Variants in GTF2A1 observed in about 807,000 individuals in gnomAD.
GTF2A1 encodes general transcription factor IIA subunit 1.
Under a neutral mutation model 54.1 loss-of-function variants are expected in GTF2A1, and 12 were observed. That is an observed-to-expected ratio of 0.22 (90% CI 0.14 to 0.36). The LOEUF is 0.36. Ranked by LOEUF, GTF2A1 falls within the 10% of genes least tolerant of loss-of-function variation. GTF2A1 has a pLI of 1.00. For synonymous variants in GTF2A1, 145 were observed against 152.0 expected, an observed-to-expected ratio of 0.95 and a Z score of 0.34; for missense variants, 335 against 442.2, an observed-to-expected ratio of 0.76 and a Z score of 2.17.
rs547722986 is a variant in GTF2A1, at chr14:81,214,464, T to C, written c.132+1949A>G. ...ATCGAGACCATCCTGGCTAACACGG[T>C]GAAACCCCATCTCTACTAAAAATAC... is the stretch of plus-strand genomic sequence containing the variant. On this transcript the variant is annotated intron_variant, in intron 2 of 8. Transcript: ENST00000553612. 2.0e-3 allele frequency among the ~76,000 whole-genome samples: 301 copies of C among 151,992 alleles called. 2 individuals carry two copies. Among genetic ancestry groups the C allele is most frequent in the African/African-American group, 6.9e-3 (284 of 41,442 alleles).
upstream of GTF2A1, chr14:81,221,246 C>G (rs1201461677): frequency 6.6e-6 from 1 of 152,256 alleles, no homozygotes; most frequent in Non-Finnish European, 1.5e-5. Context: ...CTGGAAAAGA[C>G]GGGAGTTCTA....
At chr14:81,196,705 C>T (rs985787167) in intron 5 of GTF2A1, among the ~76,000 whole-genome samples, 1 of 152,196 alleles carries the variant, frequency 6.6e-6, no homozygotes, top group Non-Finnish European at 1.5e-5. Flanking sequence ...TAAAAGTTCA[C>T]AGAACCAGTT....
chr14:81,185,445 C>T, intron 8 of GTF2A1, 86 bp downstream of exon 8: 2 of 748,526 alleles, frequency 2.7e-6, no homozygotes, highest in Non-Finnish European at 4.7e-6. Context: ...ATCAGCTGCC[C>T]AAATGTTTCA....
chr14:81,195,201 G>C (rs1892966706), intron 6 of GTF2A1, among the ~76,000 whole-genome samples: 1 of 151,096 alleles, frequency 6.6e-6, no homozygotes, highest in Non-Finnish European at 1.5e-5. Context: ...ATGAGAGGCA[G>C]AGAAACCATT....
At chr14:81,195,644 A>AG (rs981582908) in intron 6 of GTF2A1, among the ~76,000 whole-genome samples, 20 of 151,380 alleles carry the variant, frequency 1.3e-4, no homozygotes, top group Middle Eastern at 3.4e-3. Context: ...AAAAAAAAAA[A>AG]AAAAGAAAAG....
At chr14:81,200,885 CAAAAA>C (rs36025974) in intron 4 of GTF2A1, among the ~76,000 whole-genome samples, 1 of 111,100 alleles carries the variant, frequency 9.0e-6, no homozygotes, top group South Asian at 2.8e-4. Flanking sequence ...ATGTTTTATC[CAAAAA>C]AAAAAAAAAA....
intron 2 of GTF2A1, among the ~76,000 whole-genome samples, chr14:81,214,337 G>C (rs1893437994): frequency 6.6e-6 from 1 of 152,046 alleles, no homozygotes; most frequent in African/African-American, 2.4e-5. Flanking sequence ...TTTCATCTCA[G>C]GACGATTTAT....
chr14:81,190,099 A>ATAC (rs1892843007), intron 7 of GTF2A1, among the ~76,000 whole-genome samples: 5 of 152,132 alleles, frequency 3.3e-5, no homozygotes, highest in Non-Finnish European at 7.4e-5. Flanking sequence ...ACTTCATGTT[A>ATAC]ATCAACTTGA....
chr14:81,195,587 G>A (rs1353765250), intron 6 of GTF2A1, among the ~76,000 whole-genome samples: 38 of 146,196 alleles, frequency 2.6e-4, no homozygotes, highest in East Asian at 4.0e-4. Flanking sequence ...AGCTGAGATC[G>A]CGCCACTGCA....
chr14:81,217,485 T>C (rs1051494881), intron 1 of GTF2A1, among the ~76,000 whole-genome samples: 1 of 152,232 alleles, frequency 6.6e-6, no homozygotes, highest in Non-Finnish European at 1.5e-5. Flanking sequence ...CAGAGGGTTA[T>C]GGTTAACAAG....
At chr14:81,211,873 CTTTATATATATATATATATA>C (rs1180790365) in intron 2 of GTF2A1, among the ~76,000 whole-genome samples, 8 of 99,288 alleles carry the variant, frequency 8.1e-5, no homozygotes, top group Non-Finnish European at 1.3e-4. Flanking sequence ...GTATCAAGTA[CTTTATATATATATATATATA>C]TATATATATA....
At chr14:81,207,668 G>C (rs527747214) in intron 2 of GTF2A1, among the ~76,000 whole-genome samples, 1 of 152,356 alleles carries the variant, frequency 6.6e-6, no homozygotes, top group East Asian at 1.9e-4. Context: ...GAACTTCCTA[G>C]AGACTTGTTG....
intron 5 of GTF2A1, among the ~76,000 whole-genome samples, chr14:81,196,448 G>A (rs1481996519): frequency 1.3e-5 from 2 of 152,096 alleles, no homozygotes; most frequent in Admixed American, 1.3e-4. Flanking sequence ...TCCTTAAAAT[G>A]TTTTATTTTT....
chr14:81,181,497 C>T (rs1595204649), intron 8 of GTF2A1, among the ~76,000 whole-genome samples: 1 of 152,136 alleles, frequency 6.6e-6, no homozygotes, highest in East Asian at 1.9e-4. Flanking sequence ...CTAAATCAGT[C>T]TGTTTCATAT....
chr14:81,207,049 A>AT (rs1191138021), intron 2 of GTF2A1, among the ~76,000 whole-genome samples: 2 of 152,294 alleles, frequency 1.3e-5, no homozygotes, highest in East Asian at 1.9e-4. Flanking sequence ...ATCAAGGCGA[A>AT]TTTTTTTAAA....
At chr14:81,200,693 A>G (rs1410069687) in intron 4 of GTF2A1, among the ~76,000 whole-genome samples, 2 of 152,006 alleles carry the variant, frequency 1.3e-5, no homozygotes, top group African/African-American at 4.8e-5. Context: ...CTAGTTACAT[A>G]GGTTAAAAGA....
chr14:81,179,230 T>G lies in GTF2A1; in HGVS notation c.*993A>C, dbSNP rs989862513. On this transcript the variant is annotated 3_prime_UTR_variant, in exon 9 of 9. Coordinates refer to ENST00000553612, the MANE Select transcript of GTF2A1 (RefSeq NM_015859.4). ...CTTTTATAATTACTAAACTGTTTAATAAAAATCCAGGTCCTCACCACCTGC... is the reference window on the plus strand; with the variant it reads ...CTTTTATAATTACTAAACTGTTTAAGAAAAATCCAGGTCCTCACCACCTGC... 1 of 152,206 alleles carries G rather than the reference T, an allele frequency of 6.6e-6. No individual in the cohort carries two copies. Among genetic ancestry groups the G allele is most frequent in the East Asian group, 1.9e-4 (1 of 5,200 alleles). The allele number at this position is 152,206 out of a possible 1,614,324, so 9.4% of individuals were successfully genotyped here.
intron 8 of GTF2A1, among the ~76,000 whole-genome samples, chr14:81,182,939 T>A (rs1892669896): frequency 6.6e-6 from 1 of 152,250 alleles, no homozygotes. Flanking sequence ...TGCTAAAATG[T>A]CATTTTCTCC....
chr14:81,198,183 G>A (rs762636414), intron 4 of GTF2A1, among the ~76,000 whole-genome samples: 10 of 152,190 alleles, frequency 6.6e-5, no homozygotes, highest in Non-Finnish European at 1.2e-4. Context: ...ACTGGCTCAC[G>A]CCTGTAATCC....
Sources: gnomAD v4.1 joint callset for allele counts (sites outside exome capture counted in the v4.1 genomes callset) on GRCh38, gnomAD v4.1.1 for gene constraint, MANE v1.5 for transcripts, NCBI Gene and HGNC (gene_info 2026-07-23, HGNC 2026-07-21) for gene names.